ELAVL4: variants seen among roughly 807,000 people sequenced by gnomAD.
ELAVL4 encodes the protein ELAV like RNA binding protein 4.
ELAVL4 carries 1 observed loss-of-function variant against 35.6 expected under a neutral mutation model. The ratio of observed to expected loss-of-function variants is 0.03; its 90% confidence interval spans 0.01 to 0.13. The LOEUF (loss-of-function observed/expected upper bound fraction) is 0.13, where lower values mean the gene tolerates loss of function less well. ELAVL4 is among the 10% of genes least tolerant of loss of function. ELAVL4 has a pLI of 1.00. For synonymous variants in ELAVL4, 156 were observed against 171.0 expected (o/e 0.91, Z 0.69); for missense variants, 267 against 464.9 (o/e 0.57, Z 3.91).
At chr1:50,084,589 C>G (rs1321325358) in intron 1 of ELAVL4, among the ~76,000 whole-genome samples, 1 of 152,160 alleles carries the variant, frequency 6.6e-6, no homozygotes, top group Non-Finnish European at 1.5e-5. Flanking sequence ...TACCTGCCCC[C>G]TTCTGTCTTG....
chr1:50,071,109 AC>A (rs958024609), intron 1 of ELAVL4, among the ~76,000 whole-genome samples: 1 of 150,444 alleles, frequency 6.6e-6, no homozygotes, highest in Admixed American at 6.6e-5. Flanking sequence ...GCTCTCAAGG[AC>A]CCCCCCTCAG....
chr1:50,112,824 T>A (rs1175262908), intron 1 of ELAVL4, among the ~76,000 whole-genome samples: 1 of 152,082 alleles, frequency 6.6e-6, no homozygotes, highest in African/African-American at 2.4e-5. Context: ...GTTTGATGGT[T>A]TGCACAAAAC....
chr1:50,157,382 C>T (rs1163812811), intron 2 of ELAVL4, among the ~76,000 whole-genome samples: 1 of 152,164 alleles, frequency 6.6e-6, no homozygotes, highest in African/African-American at 2.4e-5. Context: ...TAAGATAGGA[C>T]ATTGTAAGCA....
intron 1 of ELAVL4, among the ~76,000 whole-genome samples, chr1:50,119,556 A>C (rs946602859): frequency 4.6e-5 from 7 of 151,986 alleles, no homozygotes; most frequent in African/African-American, 1.7e-4. Context: ...TTCTGGCTGA[A>C]GTTTTTCATG....
At chr1:50,185,748 A>G (rs567836593) in intron 3 of ELAVL4, among the ~76,000 whole-genome samples, 1 of 152,194 alleles carries the variant, frequency 6.6e-6, no homozygotes, top group South Asian at 2.1e-4. Context: ...TTCCATCTAC[A>G]TGTTTCAGTG....
intron 1 of ELAVL4, among the ~76,000 whole-genome samples, chr1:50,126,367 T>C (rs1301184340): frequency 6.6e-6 from 1 of 152,152 alleles, no homozygotes. Flanking sequence ...TTGGTTAAAA[T>C]GGCTCTGGAG....
chr1:50,152,504 G>T (rs955239167), intron 2 of ELAVL4, among the ~76,000 whole-genome samples: 2 of 152,080 alleles, frequency 1.3e-5, no homozygotes, highest in African/African-American at 4.8e-5. Context: ...AACTAAGGAG[G>T]AAGGTAATGT....
intron 4 of ELAVL4, among the ~76,000 whole-genome samples, chr1:50,194,174 C>A (rs1024116695): frequency 2.0e-5 from 3 of 152,230 alleles, no homozygotes; most frequent in African/African-American, 7.2e-5. Flanking sequence ...AAAAAGGATT[C>A]AGGCATCAGG....
chr1:50,145,262 G>C, intron 2 of ELAVL4, 65 bp downstream of exon 2: 1 of 1,598,686 alleles, frequency 6.3e-7, no homozygotes, highest in Non-Finnish European at 8.5e-7. Context: ...AAATGCACAT[G>C]TGTGATGGTG....
intron 1 of ELAVL4, among the ~76,000 whole-genome samples, chr1:50,073,618 C>A (rs182873789): frequency 2.0e-5 from 3 of 151,798 alleles, no homozygotes; most frequent in Admixed American, 6.6e-5. Context: ...AAAAACAACC[C>A]CTTACCTTTT....
intron 1 of ELAVL4, among the ~76,000 whole-genome samples, chr1:50,048,914 G>C (rs1663214293): frequency 6.6e-6 from 1 of 152,164 alleles, no homozygotes; most frequent in Non-Finnish European, 1.5e-5. Context: ...TATACATGTA[G>C]GATTTAGTAA....
At chr1:50,146,225 G>T (rs1275777302) in intron 2 of ELAVL4, among the ~76,000 whole-genome samples, 1 of 151,580 alleles carries the variant, frequency 6.6e-6, no homozygotes, top group Non-Finnish European at 1.5e-5. Context: ...TTAAATCAGA[G>T]AATACATTCT....
At chr1:50,158,585 C>T (rs1026144153) in intron 2 of ELAVL4, among the ~76,000 whole-genome samples, 39 of 152,306 alleles carry the variant, frequency 2.6e-4, no homozygotes, top group African/African-American at 8.9e-4. Context: ...TAGAACCAGA[C>T]TTGTACAACT....
chr1:50,081,374 C>T (rs1339092310), intron 1 of ELAVL4, among the ~76,000 whole-genome samples: 1 of 152,146 alleles, frequency 6.6e-6, no homozygotes, highest in Non-Finnish European at 1.5e-5. Context: ...TGATTAAGAG[C>T]GGTCTCTGGT....
In ELAVL4 at chr1:50,109,755, A is replaced by G; in HGVS notation, c.9+557A>G. The stretch of plus-strand genomic sequence containing the variant: ...CAGTAAATGCTGCATCTTGTATTTC[A>G]AAGAGTTTCCTGTCATGACCTCATA... On this transcript the variant is annotated intron_variant, in intron 1 of 6. Transcript: ENST00000371824. The G allele has an allele frequency of 7.6e-6, 5 of 655,818 alleles. No individual in the cohort carries two copies. In the South Asian group the frequency reaches 9.6e-5, roughly 13 times the overall value. The allele number at this position is 655,818 out of a possible 1,614,324, so 40.6% of individuals were successfully genotyped here. A position where few individuals can be genotyped will look rare whatever the true frequency, so the allele number is the denominator to read the frequency against.
At chr1:50,171,573 G>A (rs903858827) in intron 2 of ELAVL4, among the ~76,000 whole-genome samples, 4 of 152,180 alleles carry the variant, frequency 2.6e-5, no homozygotes, top group Non-Finnish European at 5.9e-5. Context: ...AATTGTAGCT[G>A]CTATTAGTCC....
chr1:50,056,929 CAA>C (rs35088767), intron 1 of ELAVL4, among the ~76,000 whole-genome samples: 23 of 129,984 alleles, frequency 1.8e-4, no homozygotes, highest in East Asian at 2.5e-4. Context: ...AAGACTGTAT[CAA>C]AAAAAAAAAA....
chr1:50,073,598 T>C, intron 1 of ELAVL4, among the ~76,000 whole-genome samples: 1 of 151,744 alleles, frequency 6.6e-6, no homozygotes, highest in Non-Finnish European at 1.5e-5. Context: ...TTATGAAAAA[T>C]GAATTAAGAA....
intron 1 of ELAVL4, chr1:50,115,358 T>A (rs888878806): frequency 6.6e-6 from 1 of 152,116 alleles, no homozygotes; most frequent in African/African-American, 2.4e-5. Context: ...TGCGTTTTTG[T>A]TTTTTGTTGT....
Sources: allele counts gnomAD v4.1 joint callset (sites outside exome capture counted in the v4.1 genomes callset), GRCh38; gene constraint gnomAD v4.1.1; transcripts MANE v1.5; gene names NCBI Gene and HGNC (gene_info 2026-07-23, HGNC 2026-07-21).